The following GPAT3 variants were observed in gnomAD, a reference collection of about 807,000 sequenced individuals.
The protein encoded by GPAT3 is 1-AGP acyltransferase 9.
In GPAT3, 53 loss-of-function variants were observed where a neutral mutation model predicts 58.8. The ratio of observed to expected loss-of-function variants is 0.90; its 90% CI spans 0.72 to 1.13. The LOEUF is 1.13. Ranked by LOEUF, GPAT3 falls within the 50% of genes most tolerant of loss-of-function variation. The pLI, the probability that GPAT3 is intolerant of heterozygous loss-of-function variation, is 0.00. For synonymous variants in GPAT3, 197 were observed against 187.4 expected (o/e 1.05, Z -0.42); for missense variants, 511 against 527.6 (o/e 0.97, Z 0.31).
intron 2 of GPAT3, among the ~76,000 whole-genome samples, chr4:83,564,035 C>T (rs1264898636): frequency 6.6e-6 from 1 of 152,134 alleles, no homozygotes; most frequent in Non-Finnish European, 1.5e-5. Flanking sequence ...GAATTCTTAG[C>T]AATAGGATTG....
chr4:83,572,343 A>G (rs1439726755), intron 2 of GPAT3, among the ~76,000 whole-genome samples: 1 of 152,208 alleles, frequency 6.6e-6, no homozygotes, highest in Non-Finnish European at 1.5e-5. Context: ...AGCTAAGCTG[A>G]TATCTCCAAC....
intron 3 of GPAT3, among the ~76,000 whole-genome samples, chr4:83,584,277 TTGGGCTAAGATCAAGTGCAG>T (rs1166626912): frequency 2.6e-5 from 4 of 152,230 alleles, no homozygotes; most frequent in African/African-American, 9.6e-5. Flanking sequence ...TTCTTGGCCT[TTGGGCTAAGATCAAGTGCAG>T]TGATATAAGC....
intron 2 of GPAT3, among the ~76,000 whole-genome samples, chr4:83,580,607 A>G (rs989446626): frequency 6.6e-6 from 1 of 152,190 alleles, no homozygotes; most frequent in African/African-American, 2.4e-5. Flanking sequence ...TGAATATGAG[A>G]GTACCTGTGT....
intron 2 of GPAT3, among the ~76,000 whole-genome samples, chr4:83,549,407 G>A (rs566611926): frequency 1.3e-5 from 2 of 151,338 alleles, no homozygotes; most frequent in East Asian, 3.9e-4. Context: ...TTATGGGGTT[G>A]GAAGGATTAT....
At chr4:83,586,293 G>A (rs1237329484) in intron 3 of GPAT3, among the ~76,000 whole-genome samples, 1 of 152,156 alleles carries the variant, frequency 6.6e-6, no homozygotes, top group African/African-American at 2.4e-5. Context: ...GCTTCACCCT[G>A]GAGAGGGTTA....
intron 2 of GPAT3, among the ~76,000 whole-genome samples, chr4:83,562,236 A>AATATATGTATAAT (rs1725199119): frequency 1.3e-5 from 1 of 74,090 alleles, no homozygotes; most frequent in Admixed American, 1.6e-4. Context: ...ATATATATAT[A>AATATATGTATAAT]ATATATATAT....
Position 83,536,169 on chromosome 4 carries a change from G to C in GPAT3, c.-454G>C. The C allele has an allele frequency of 1.0e-6, 1 of 986,166 alleles. No homozygotes were observed. The highest frequency in any genetic ancestry group is 1.2e-6 in the Non-Finnish European group (1 of 830,404). 61.1% of individuals were successfully genotyped at this position (986,166 alleles called of 1,614,324 possible). ...GCCGGCGACCGGTGTGCCAAAGTGC[G>C]GTGCTCCCGCAGGGAACCTGGCTCG... On this transcript the variant is annotated 5_prime_UTR_variant, in exon 1 of 12. Coordinates refer to ENST00000264409, the MANE Select transcript of GPAT3 (RefSeq NM_032717.5).
At position 83,577,271 on chromosome 4, in the gene GPAT3, T is replaced by TAATGACTTGACAG. The variant is rs774803456; in HGVS notation, c.209-4291_209-4290insAATGACTTGACAG. 2.7e-3 allele frequency among the ~76,000 whole-genome samples: 408 copies of TAATGACTTGACAG among 152,216 alleles called. 3 individuals carry two copies. The highest frequency in any genetic ancestry group is 5.0e-3 in the Non-Finnish European group (343 of 68,010). On this transcript the variant is annotated intron_variant, in intron 2 of 11. Coordinates refer to ENST00000264409, the MANE Select transcript of GPAT3 (RefSeq NM_032717.5). ...AGACTAAAATGACTTGACATGTAAA[T>TAATGACTTGACAG]GTAAGGTGCAATCCTGGACCAGAAA...
At chr4:83,569,843 A>G (rs1725536704) in intron 2 of GPAT3, among the ~76,000 whole-genome samples, 1 of 152,222 alleles carries the variant, frequency 6.6e-6, no homozygotes, top group Admixed American at 6.5e-5. Flanking sequence ...TCAGTTAAAA[A>G]AAAAAGGGTG....
intron 11 of GPAT3, 86 bp downstream of exon 11, chr4:83,598,809 C>A: frequency 1.1e-6 from 1 of 894,188 alleles, no homozygotes; most frequent in Non-Finnish European, 1.6e-6. Context: ...CACTCTTTTA[C>A]CCAGGCTGGA....
At chr4:83,604,575 C>A in intron 11 of GPAT3, 93 bp from the exon 12 acceptor site, 2 of 921,782 alleles carry the variant, frequency 2.2e-6, no homozygotes, top group Non-Finnish European at 1.6e-6. Context: ...GCTGCCTAAG[C>A]GTCATGGTAT....
intron 2 of GPAT3, among the ~76,000 whole-genome samples, chr4:83,563,889 T>C (rs921150524): frequency 1.3e-5 from 2 of 152,236 alleles, no homozygotes; most frequent in African/African-American, 2.4e-5. Flanking sequence ...CCTTTCTCTA[T>C]TATTACTTAG....
chr4:83,580,625 A>G (rs1726077357), intron 2 of GPAT3, among the ~76,000 whole-genome samples: 1 of 152,218 alleles, frequency 6.6e-6, no homozygotes, highest in Non-Finnish European at 1.5e-5. Flanking sequence ...TGTCATTTCA[A>G]GTCATTGAAT....
chr4:83,560,527 T>G (rs1725092825), intron 2 of GPAT3, among the ~76,000 whole-genome samples: 1 of 152,214 alleles, frequency 6.6e-6, no homozygotes, highest in South Asian at 2.1e-4. Context: ...CAGGGGATAC[T>G]GAGGACAGAT....
chr4:83,595,868 A>G (rs1726807789), intron 7 of GPAT3, among the ~76,000 whole-genome samples: 1 of 152,200 alleles, frequency 6.6e-6, no homozygotes, highest in South Asian at 2.1e-4. Flanking sequence ...GCTTCTATAA[A>G]CACAAAGGTG....
rs1481411102 is a variant in GPAT3 at position 83,605,518 on chromosome 4, C to T, written c.*751C>T. ...TCTACTGATTTGTTTGTTTTTGTAA[C>T]CAAACACATTTTCAGATAGAAGGAG... is the stretch of plus-strand genomic sequence containing the variant. On this transcript the variant is annotated 3_prime_UTR_variant, in exon 12 of 12. Coordinates refer to ENST00000264409, the MANE Select transcript of GPAT3 (RefSeq NM_032717.5). The T allele has an allele frequency of 6.7e-6, 1 of 149,942 alleles. No individual in the cohort carries two copies. Among genetic ancestry groups the T allele is most frequent in the African/African-American group, 2.5e-5 (1 of 40,608 alleles). 9.3% of individuals were successfully genotyped at this position (149,942 alleles called of 1,614,324 possible).
intron 2 of GPAT3, among the ~76,000 whole-genome samples, chr4:83,562,188 T>TATATATATA (rs1553944853): frequency 4.5e-4 from 24 of 52,780 alleles, no homozygotes; most frequent in African/African-American, 2.0e-3. Flanking sequence ...ATTATATATA[T>TATATATATA]ATATATATAT....
In GPAT3 at chr4:83,587,271, A is replaced by G; in HGVS notation, c.496A>G (p.Ile166Val). Residue 166 changes from isoleucine (I) to valine (V), a missense_variant, in exon 4 of 12, where the codon ATT becomes GTT. Coordinates refer to ENST00000264409, the MANE Select transcript of GPAT3 (RefSeq NM_032717.5). ...CTTTTTCAGGGTTACCTTGGCTTTC[A>G]TTGGGATCAGTTTGCTGGTTATAGG... ...LLPLRVTLAF[I>V]GISLLVIGTT... is the part of the protein sequence containing the mutation. The G allele has an allele frequency of 2.5e-6, 4 of 1,613,600 alleles. No homozygotes were observed. In the South Asian group the frequency reaches 3.3e-5, roughly 13 times the overall value.
At chr4:83,536,069 A>C, upstream of GPAT3, 6 of 985,452 alleles carry the variant, frequency 6.1e-6, no homozygotes, top group Non-Finnish European at 7.2e-6. Flanking sequence ...GGGCGAGGGC[A>C]GCGCGCAGAA....
Sources: allele counts gnomAD v4.1 joint callset (sites outside exome capture counted in the v4.1 genomes callset), GRCh38; gene constraint gnomAD v4.1.1; transcripts MANE v1.5; gene names NCBI Gene and HGNC (gene_info 2026-07-23, HGNC 2026-07-21).